PLGRKT: variants seen among roughly 807,000 people sequenced by gnomAD.
The protein encoded by PLGRKT is plasminogen receptor with a C-terminal lysine.
PLGRKT carries 22 observed loss-of-function variants against 18.5 expected under a neutral mutation model. The ratio of observed to expected loss-of-function variants is 1.19; its 90% CI spans 0.85 to 1.70. The LOEUF is 1.70. PLGRKT is among the 40% of genes most tolerant of loss of function. PLGRKT has a pLI of 0.00. For missense variants in PLGRKT, 235 were observed against 174.4 expected, an observed-to-expected ratio of 1.35 and a Z score of -1.96; for synonymous variants, 72 against 52.8, an observed-to-expected ratio of 1.36 and a Z score of -1.58.
intron 3 of PLGRKT, among the ~76,000 whole-genome samples, chr9:5,364,306 T>C (rs919048995): frequency 1.3e-5 from 2 of 152,178 alleles, no homozygotes; most frequent in Non-Finnish European, 1.5e-5. Flanking sequence ...TCATATTTTT[T>C]TTCCCACAAA....
chr9:5,398,355 A>T (rs1173260550), intron 3 of PLGRKT, among the ~76,000 whole-genome samples: 1 of 151,956 alleles, frequency 6.6e-6, no homozygotes. Context: ...AAAGTACTTA[A>T]TAGTTACTGA....
At chr9:5,389,657 A>G (rs928098055) in intron 3 of PLGRKT, among the ~76,000 whole-genome samples, 2 of 151,862 alleles carry the variant, frequency 1.3e-5, no homozygotes, top group Non-Finnish European at 2.9e-5. Context: ...TGCTTCGCAA[A>G]TGATTCACTG....
chr9:5,382,482 C>T (rs1817766108), intron 3 of PLGRKT, among the ~76,000 whole-genome samples: 1 of 152,040 alleles, frequency 6.6e-6, no homozygotes, highest in African/African-American at 2.4e-5. Flanking sequence ...CAGCATGGGC[C>T]AAAGCCTGGA....
At chr9:5,421,104 TG>T (rs1039211807) in intron 3 of PLGRKT, among the ~76,000 whole-genome samples, 2 of 152,190 alleles carry the variant, frequency 1.3e-5, no homozygotes, top group African/African-American at 4.8e-5. Flanking sequence ...ACAGTTGTCC[TG>T]GGTACAAGGC....
intron 3 of PLGRKT, among the ~76,000 whole-genome samples, chr9:5,411,988 G>C (rs975420935): frequency 6.6e-6 from 1 of 152,154 alleles, no homozygotes; most frequent in African/African-American, 2.4e-5. Context: ...AAACATGAAA[G>C]ATTATCCAAG....
intron 3 of PLGRKT, among the ~76,000 whole-genome samples, chr9:5,399,822 G>C (rs138833093): frequency 1.3e-5 from 2 of 151,256 alleles, no homozygotes; most frequent in Admixed American, 1.3e-4. Context: ...AAACTACGTC[G>C]CTACTAAAAA....
chr9:5,423,292 C>A (rs898718059), intron 3 of PLGRKT, among the ~76,000 whole-genome samples: 7 of 152,188 alleles, frequency 4.6e-5, no homozygotes, highest in African/African-American at 1.7e-4. Flanking sequence ...ACGTGATAGA[C>A]ACTCCATAAA....
intron 3 of PLGRKT, among the ~76,000 whole-genome samples, chr9:5,378,231 G>A (rs79800622): frequency 0.022 from 3,326 of 152,270 alleles, 115 homozygotes; most frequent in African/African-American, 0.073. Context: ...CATCTGGAAC[G>A]GGAGATAATA....
Position 5,381,853 on chromosome 9 carries a change from A to G in PLGRKT, c.82-19965T>C, listed in dbSNP as rs1470133159. The G allele has an allele frequency of 8.2e-6, 8 of 980,948 alleles. No homozygotes were observed. In the African/African-American group the frequency reaches 1.2e-4, roughly 15 times the overall value. The allele number at this position is 980,948 out of a possible 1,614,324, so 60.8% of individuals were successfully genotyped here. ...AAGCAAAAACAACAGACTAAATTTA[A>G]CTAACATACCTTCCTCACAGATCCT... On this transcript the variant is annotated intron_variant, in intron 3 of 5. Transcript: ENST00000223864.
chr9:5,383,609 C>T (rs988672732), intron 3 of PLGRKT, among the ~76,000 whole-genome samples: 12 of 152,116 alleles, frequency 7.9e-5, no homozygotes, highest in African/African-American at 2.4e-4. Context: ...TTCAACTAGA[C>T]GGTCCCATCT....
At chr9:5,413,002 TAATTAAAGAAAAGCA>T (rs1818393782) in intron 3 of PLGRKT, among the ~76,000 whole-genome samples, 1 of 152,138 alleles carries the variant, frequency 6.6e-6, no homozygotes, top group South Asian at 2.1e-4. Flanking sequence ...AACTCACTCA[TAATTAAAGAAAAGCA>T]AATTAAAGCA....
chr9:5,421,149 T>A (rs1012012755), intron 3 of PLGRKT, among the ~76,000 whole-genome samples: 3 of 152,158 alleles, frequency 2.0e-5, no homozygotes, highest in African/African-American at 7.2e-5. Flanking sequence ...CTATCCACTC[T>A]CCCCCATCCT....
chr9:5,424,685 T>C lies in PLGRKT; in HGVS notation c.81+7212A>G, dbSNP rs1273632427. Among the ~76,000 whole-genome samples the C allele has an allele frequency of 2.3e-4, 17 of 75,152 alleles. 2 individuals carry two copies. The highest frequency in any genetic ancestry group is 8.3e-4 in the South Asian group (2 of 2,416). 49.3% of individuals were successfully genotyped at this position (75,152 alleles called of 152,430 possible). A position where few individuals can be genotyped will look rare whatever the true frequency, so the allele number is the denominator to read the frequency against. On this transcript the variant is annotated intron_variant, in intron 3 of 5. Transcript: ENST00000223864. Reference sequence around the variant, plus strand: ...TATATATTTTATATATATATATATATATATATACACACAGGGGGGGGAGAG... The same window carrying C: ...TATATATTTTATATATATATATATACATATATACACACAGGGGGGGGAGAG...
chr9:5,404,882 T>A (rs1055414793), intron 3 of PLGRKT, among the ~76,000 whole-genome samples: 1 of 152,138 alleles, frequency 6.6e-6, no homozygotes, highest in Non-Finnish European at 1.5e-5. Flanking sequence ...GAAAACCCCA[T>A]TGACTCAGCC....
intron 3 of PLGRKT, among the ~76,000 whole-genome samples, chr9:5,426,710 C>A (rs1419248663): frequency 6.6e-6 from 1 of 152,234 alleles, no homozygotes; most frequent in African/African-American, 2.4e-5. Flanking sequence ...CAGGCCCTGA[C>A]TGCTCTTTAG....
At chr9:5,388,360 G>A (rs1412239436) in intron 3 of PLGRKT, among the ~76,000 whole-genome samples, 1 of 151,954 alleles carries the variant, frequency 6.6e-6, no homozygotes, top group Non-Finnish European at 1.5e-5. Flanking sequence ...TGAGCACTGA[G>A]ATATCGCAAG....
chr9:5,404,635 A>C (rs1425932729), intron 3 of PLGRKT, among the ~76,000 whole-genome samples: 1 of 152,224 alleles, frequency 6.6e-6, no homozygotes, highest in African/African-American at 2.4e-5. Context: ...CTTCAAAATA[A>C]TAAGAGCCAT....
intron 3 of PLGRKT, among the ~76,000 whole-genome samples, chr9:5,409,670 C>G (rs564849236): frequency 5.3e-5 from 8 of 152,294 alleles, no homozygotes; most frequent in Non-Finnish European, 8.8e-5. Flanking sequence ...GATGGAGCTG[C>G]CCAAAGCCTT....
chr9:5,386,695 C>A (rs1817850782), intron 3 of PLGRKT, among the ~76,000 whole-genome samples: 1 of 151,856 alleles, frequency 6.6e-6, no homozygotes, highest in African/African-American at 2.4e-5. Context: ...TGTTTCTGTT[C>A]ATCCCACCTG....
Sources: allele counts gnomAD v4.1 joint callset (sites outside exome capture counted in the v4.1 genomes callset), GRCh38; gene constraint gnomAD v4.1.1; transcripts MANE v1.5; gene names NCBI Gene and HGNC (gene_info 2026-07-23, HGNC 2026-07-21).